Variants in ABCD2 observed in about 807,000 individuals in gnomAD.
The protein encoded by ABCD2 is ATP binding cassette subfamily D member 2.
Under a neutral mutation model 70.9 loss-of-function variants are expected in ABCD2, and 36 were observed. That is an observed-to-expected ratio of 0.51 (90% CI 0.39 to 0.67). ABCD2 has a LOEUF of 0.67. ABCD2 is among the 30% of genes least tolerant of loss of function. The pLI is 0.00. For missense variants in ABCD2, 729 were observed against 890.2 expected (o/e 0.82, Z 2.30); for synonymous variants, 304 against 306.9 (o/e 0.99, Z 0.10).
chr12:39,534,624 C>A, the ABCD2 span, among the ~76,000 whole-genome samples: 1 of 141,746 alleles, frequency 7.1e-6, no homozygotes, highest in Non-Finnish European at 1.5e-5. Flanking sequence ...CCAATGTGGG[C>A]AACACAGGGA....
At chr12:39,560,010 T>C (rs897253761) in intron 9 of ABCD2, among the ~76,000 whole-genome samples, 10 of 152,096 alleles carry the variant, frequency 6.6e-5, no homozygotes, top group African/African-American at 2.4e-4. Flanking sequence ...GTAAATCACT[T>C]ATTTCTTTTT....
At chr12:39,557,835 G>T (rs1020589683) in intron 9 of ABCD2, among the ~76,000 whole-genome samples, 3 of 152,228 alleles carry the variant, frequency 2.0e-5, no homozygotes, top group African/African-American at 4.8e-5. Context: ...GATTTCAGAG[G>T]ATGTATGGAA....
the ABCD2 span, among the ~76,000 whole-genome samples, chr12:39,537,556 A>C: frequency 6.6e-6 from 1 of 152,356 alleles, no homozygotes; most frequent in South Asian, 2.1e-4. Flanking sequence ...AAAATAAAGC[A>C]ATCTGGTCCT....
chr12:39,551,896 G>A lies in ABCD2; in HGVS notation c.*2016C>T, dbSNP rs1395863237. 1 of 151,686 alleles carries A rather than the reference G, an allele frequency of 6.6e-6. No homozygotes were observed. The highest frequency in any genetic ancestry group is 1.5e-5 in the Non-Finnish European group (1 of 67,706). The allele number at this position is 151,686 out of a possible 1,614,324, so 9.4% of individuals were successfully genotyped here. A position where few individuals can be genotyped will look rare whatever the true frequency, so the allele number is the denominator to read the frequency against. On this transcript the variant is annotated 3_prime_UTR_variant, in exon 10 of 10. Coordinates refer to ENST00000308666, the MANE Select transcript of ABCD2 (RefSeq NM_005164.4). ...TGAAAATTATACACATCTTTCACAT[G>A]AGGATTTTTCATTTTCTTCTTGTAC...
At chr12:39,572,690 A>G (rs1387915410) in intron 9 of ABCD2, among the ~76,000 whole-genome samples, 1 of 152,184 alleles carries the variant, frequency 6.6e-6, no homozygotes, top group African/African-American at 2.4e-5. Flanking sequence ...ATTAATTCCA[A>G]TAATGCTTGC....
In ABCD2 at chr12:39,579,525, G is replaced by C; in HGVS notation, c.1877+10C>G. The stretch of plus-strand genomic sequence containing the variant: ...ATGGCCTAGTAGTTACCTGAATTTA[G>C]TATACTTACTTATGATAAAACATAC... On this transcript the variant is annotated intron_variant, in intron 8 of 9. Coordinates refer to ENST00000308666, the MANE Select transcript of ABCD2 (RefSeq NM_005164.4). The C allele has an allele frequency of 6.2e-7, 1 of 1,602,942 alleles. No homozygotes were observed. Among genetic ancestry groups the C allele is most frequent in the Non-Finnish European group, 8.5e-7 (1 of 1,170,896 alleles).
At chr12:39,586,556 T>C (rs1246344799) in intron 6 of ABCD2, among the ~76,000 whole-genome samples, 2 of 152,126 alleles carry the variant, frequency 1.3e-5, no homozygotes, top group Non-Finnish European at 2.9e-5. Flanking sequence ...TCTAAAAAAT[T>C]CTATTTTATT....
intron 9 of ABCD2, among the ~76,000 whole-genome samples, chr12:39,571,916 A>G (rs752552079): frequency 1.6e-4 from 24 of 152,190 alleles, no homozygotes; most frequent in Non-Finnish European, 3.2e-4. Flanking sequence ...CACTTCTGAA[A>G]TCTATTCAGG....
Position 39,604,856 on chromosome 12 carries a change from A to G in ABCD2, c.1311T>C (p.Ile437=). The G allele has an allele frequency of 6.2e-7, 1 of 1,612,672 alleles. No individual in the cohort carries two copies. Among genetic ancestry groups the G allele is most frequent in the Non-Finnish European group, 8.5e-7 (1 of 1,179,270 alleles). Residue 437 remains isoleucine (I), a synonymous_variant, in exon 4 of 10, where the codon ATT becomes ATC. Transcript: ENST00000308666. Reference sequence around the variant, plus strand: ...CTTGAATGACAGCAGTTCTCTTATAAATGCCTCTTTTTACTTCATCAAAGA... The same window carrying G: ...CTTGAATGACAGCAGTTCTCTTATAGATGCCTCTTTTTACTTCATCAAAGA... ...FWVFDEVKRG[I]YKRTAVIQES...
chr12:39,567,746 T>C (rs536008702), intron 9 of ABCD2, among the ~76,000 whole-genome samples: 27 of 152,336 alleles, frequency 1.8e-4, no homozygotes, highest in African/African-American at 6.0e-4. Flanking sequence ...TTAGGCATCC[T>C]TTTGCAGTGG....
rs1196510706 is a variant in ABCD2 at position 39,550,594 on chromosome 12, T to C, written c.*3318A>G. ...GAAATTGGTTTTTAAAAAAATATTT[T>C]ATACATCCACCTGAAGGCGCTCATG... On this transcript the variant is annotated 3_prime_UTR_variant, in exon 10 of 10. Coordinates refer to ENST00000308666, the MANE Select transcript of ABCD2 (RefSeq NM_005164.4). 1 of 151,746 alleles carries C rather than the reference T, an allele frequency of 6.6e-6. No individual in the cohort carries two copies. Among genetic ancestry groups the C allele is most frequent in the Non-Finnish European group, 1.5e-5 (1 of 67,692 alleles). 9.4% of individuals were successfully genotyped at this position (151,746 alleles called of 1,614,324 possible).
At position 39,607,782 on chromosome 12, in the gene ABCD2, A is replaced by G. The variant is rs149919764; in HGVS notation, c.1121-68T>C. 88 of 982,170 alleles carry G rather than the reference A, an allele frequency of 9.0e-5. 2 individuals are homozygous for G. The African/African-American group carries it at 1.4e-3, about 16-fold the overall frequency. The allele number at this position is 982,170 out of a possible 1,614,324, so 60.8% of individuals were successfully genotyped here. A position where few individuals can be genotyped will look rare whatever the true frequency, so the allele number is the denominator to read the frequency against. On this transcript the variant is annotated intron_variant, in intron 2 of 9. Transcript: ENST00000308666. ...TTTTTTTTTAGTAACTTAATGTTTT[A>G]TATTATACAAACTAAATTGTGGCTA...
At chr12:39,569,194 C>T (rs1941407894) in intron 9 of ABCD2, among the ~76,000 whole-genome samples, 1 of 152,212 alleles carries the variant, frequency 6.6e-6, no homozygotes, top group Non-Finnish European at 1.5e-5. Context: ...TATTCTGCTG[C>T]CTTTTGTTTG....
chr12:39,594,506 T>C (rs1280814607), intron 6 of ABCD2, among the ~76,000 whole-genome samples: 1 of 152,178 alleles, frequency 6.6e-6, no homozygotes, highest in Non-Finnish European at 1.5e-5. Flanking sequence ...AAATCAATTT[T>C]AATGCATATA....
At chr12:39,588,227 A>G (rs1440882919) in intron 6 of ABCD2, among the ~76,000 whole-genome samples, 2 of 152,212 alleles carry the variant, frequency 1.3e-5, no homozygotes, top group Non-Finnish European at 2.9e-5. Flanking sequence ...TGAGAAGCAC[A>G]CAGCATCATT....
At chr12:39,602,528 A>G (rs1298234059) in intron 5 of ABCD2, among the ~76,000 whole-genome samples, 1 of 152,124 alleles carries the variant, frequency 6.6e-6, no homozygotes, top group Non-Finnish European at 1.5e-5. Context: ...TTTTCAATCT[A>G]TGCAGAGGAA....
chr12:39,615,595 C>A (rs1942104946), intron 2 of ABCD2, among the ~76,000 whole-genome samples: 1 of 151,862 alleles, frequency 6.6e-6, no homozygotes, highest in South Asian at 2.1e-4. Context: ...GTGTCTATTA[C>A]ACAGTTCATT....
intron 2 of ABCD2, 36 bp from the exon 3 acceptor site, chr12:39,607,750 T>TTA: frequency 2.3e-6 from 3 of 1,328,534 alleles, no homozygotes; most frequent in Non-Finnish European, 3.2e-6. Flanking sequence ...CTTGAGTTTT[T>TTA]TTTTTTTTTT....
chr12:39,559,815 C>A (rs1387247746), intron 9 of ABCD2, among the ~76,000 whole-genome samples: 2 of 152,094 alleles, frequency 1.3e-5, no homozygotes, highest in Non-Finnish European at 2.9e-5. Flanking sequence ...GACTTTCCCA[C>A]ACAAACTAAG....
Sources: gnomAD v4.1 joint callset for allele counts (sites outside exome capture counted in the v4.1 genomes callset) on GRCh38, gnomAD v4.1.1 for gene constraint, MANE v1.5 for transcripts, NCBI Gene and HGNC (gene_info 2026-07-23, HGNC 2026-07-21) for gene names.